The following IGSF10 variants were observed in gnomAD, a reference collection of about 807,000 sequenced individuals.
IGSF10 encodes immunoglobulin superfamily member 10, also known as calvaria mechanical force protein 608.
Under a neutral mutation model 128.2 loss-of-function variants are expected in IGSF10, and 126 were observed. The observed-to-expected ratio is 0.98, with a 90% CI of 0.85 to 1.14. IGSF10 has a LOEUF of 1.14. IGSF10 is among the 50% of genes most tolerant of loss of function. The pLI, the probability that IGSF10 is intolerant of heterozygous loss-of-function variation, is 0.00. For missense variants in IGSF10, 3,295 were observed against 3,149.8 expected, an observed-to-expected ratio of 1.05 and a Z score of -1.10; for synonymous variants, 1,185 against 1,146.2, an observed-to-expected ratio of 1.03 and a Z score of -0.68.
the IGSF10 span, among the ~76,000 whole-genome samples, chr3:151,538,511 G>T: frequency 6.6e-6 from 1 of 152,096 alleles, no homozygotes; most frequent in South Asian, 2.1e-4. Flanking sequence ...AGCCTAAGTA[G>T]AATGAGAAAT....
the IGSF10 span, among the ~76,000 whole-genome samples, chr3:151,567,205 C>T: frequency 6.6e-6 from 1 of 152,194 alleles, no homozygotes; most frequent in Non-Finnish European, 1.5e-5. Context: ...CTTCTATCTT[C>T]AGTGGTTCCC....
At chr3:151,470,587 G>A in the IGSF10 span, among the ~76,000 whole-genome samples, 1 of 152,072 alleles carries the variant, frequency 6.6e-6, no homozygotes, top group Non-Finnish European at 1.5e-5. Flanking sequence ...TCATCTTTAG[G>A]ACTTCCAAAT....
At chr3:151,471,522 T>A in the IGSF10 span, among the ~76,000 whole-genome samples, 1 of 152,226 alleles carries the variant, frequency 6.6e-6, no homozygotes, top group South Asian at 2.1e-4. Flanking sequence ...TGGCCCAACC[T>A]GCAGAGCTTT....
the IGSF10 span, among the ~76,000 whole-genome samples, chr3:151,581,857 G>A: frequency 6.6e-6 from 1 of 152,158 alleles, no homozygotes; most frequent in Non-Finnish European, 1.5e-5. Flanking sequence ...GATCGCTTGA[G>A]GCCAGGAGTT....
At chr3:151,537,573 A>C in the IGSF10 span, among the ~76,000 whole-genome samples, 1 of 152,172 alleles carries the variant, frequency 6.6e-6, no homozygotes, top group Non-Finnish European at 1.5e-5. Context: ...TAACCGAAAT[A>C]GGGTTTATAC....
At chr3:151,556,613 A>G in the IGSF10 span, among the ~76,000 whole-genome samples, 3 of 152,196 alleles carry the variant, frequency 2.0e-5, no homozygotes, top group African/African-American at 7.2e-5. Flanking sequence ...AGGAGCAGAC[A>G]GAGTCATGGA....
the IGSF10 span, among the ~76,000 whole-genome samples, chr3:151,591,564 A>G: frequency 6.6e-6 from 1 of 151,820 alleles, no homozygotes; most frequent in South Asian, 2.1e-4. Context: ...GGAATCATAA[A>G]TAGAAATTAC....
the IGSF10 span, among the ~76,000 whole-genome samples, chr3:151,616,407 G>T: frequency 1.3e-5 from 2 of 152,056 alleles, no homozygotes; most frequent in Non-Finnish European, 2.9e-5. Flanking sequence ...TAAAAACATA[G>T]AATGGTGTTA....
the IGSF10 span, among the ~76,000 whole-genome samples, chr3:151,560,078 G>C: frequency 0.49 from 74,685 of 151,862 alleles, 18,542 homozygotes; most frequent in South Asian, 0.58. Context: ...AGAAGACCAG[G>C]ATAGGCCACC....
chr3:151,615,661 T>C, the IGSF10 span, among the ~76,000 whole-genome samples: 1 of 152,092 alleles, frequency 6.6e-6, no homozygotes. Flanking sequence ...GAAGGAAATA[T>C]GAAGCGCTGA....
chr3:151,462,804 T>TA (rs5853528), upstream of IGSF10, among the ~76,000 whole-genome samples: 113,628 of 152,090 alleles, frequency 0.75, 42,589 homozygotes, highest in Middle Eastern at 0.95. Context: ...GAAGCATGTA[T>TA]ATGAACATGG....
the IGSF10 span, among the ~76,000 whole-genome samples, chr3:151,477,845 T>C: frequency 6.6e-6 from 1 of 152,232 alleles, no homozygotes; most frequent in Non-Finnish European, 1.5e-5. Flanking sequence ...AAGTCCCAAC[T>C]CTGCTTTTGT....
At chr3:151,545,477 A>G in the IGSF10 span, among the ~76,000 whole-genome samples, 1 of 152,204 alleles carries the variant, frequency 6.6e-6, no homozygotes, top group African/African-American at 2.4e-5. Context: ...GTGCTAAATA[A>G]TAGGCTTTCT....
chr3:151,438,585 C>G lies in IGSF10; in HGVS notation c.5976G>C (p.Trp1992Cys). ...VVDQQHRVGSWIHVYPNGSLF... is the reference protein window; with the variant it reads ...VVDQQHRVGSCIHVYPNGSLF... Reference sequence around the variant, plus strand: ...GGGATCCATTAGGGTAGACGTGGATCCAGCTGCCCACTCTAAGGAGAAAAG... The same window carrying G: ...GGGATCCATTAGGGTAGACGTGGATGCAGCTGCCCACTCTAAGGAGAAAAG... The change falls in exon 8 of 8, where the codon TGG becomes TGC. Residue 1992 changes from tryptophan (W) to cysteine (C), a missense_variant. Trp to Cys is a radical substitution (Grantham distance 215). Transcript: ENST00000282466. 1 of 1,612,312 alleles carries G rather than the reference C, an allele frequency of 6.2e-7. No individual in the cohort carries two copies. Among genetic ancestry groups the G allele is most frequent in the Non-Finnish European group, 8.5e-7 (1 of 1,179,136 alleles).
chr3:151,477,072 G>A, the IGSF10 span, among the ~76,000 whole-genome samples: 5 of 152,164 alleles, frequency 3.3e-5, no homozygotes, highest in Admixed American at 6.5e-5. Context: ...TTGTACTAAC[G>A]TTGGTTGTAA....
the IGSF10 span, among the ~76,000 whole-genome samples, chr3:151,582,298 G>GGGGGC: frequency 9.0e-6 from 1 of 111,060 alleles, no homozygotes; most frequent in Non-Finnish European, 1.8e-5. Flanking sequence ...TATCCGGGGG[G>GGGGGC]GGGGGCGGGA....
chr3:151,576,502 A>G, the IGSF10 span, among the ~76,000 whole-genome samples: 64 of 152,286 alleles, frequency 4.2e-4, no homozygotes, highest in East Asian at 0.011. Context: ...AATTCTCCTT[A>G]CATTTAATCA....
At chr3:151,497,955 C>T in the IGSF10 span, among the ~76,000 whole-genome samples, 1 of 152,188 alleles carries the variant, frequency 6.6e-6, no homozygotes, top group Non-Finnish European at 1.5e-5. Flanking sequence ...AATGAGAGTT[C>T]ACTCATGATT....
chr3:151,594,331 CTTTTTTTT>C, the IGSF10 span, among the ~76,000 whole-genome samples: 1 of 121,520 alleles, frequency 8.2e-6, no homozygotes. Flanking sequence ...ATAAAAACTG[CTTTTTTTT>C]TTTTTTTTTT....
Sources: allele counts gnomAD v4.1 joint callset (sites outside exome capture counted in the v4.1 genomes callset), GRCh38; gene constraint gnomAD v4.1.1; transcripts MANE v1.5; gene names NCBI Gene and HGNC (gene_info 2026-07-23, HGNC 2026-07-21).